Variants in TENM3 observed in about 807,000 individuals in gnomAD.
The protein encoded by TENM3 is teneurin transmembrane protein 3.
In TENM3, 63 loss-of-function variants were observed where a neutral mutation model predicts 255.1. That is an observed-to-expected ratio of 0.25 (90% CI 0.20 to 0.30). TENM3 has a LOEUF of 0.30. Ranked by LOEUF, TENM3 falls within the 10% of genes least tolerant of loss-of-function variation. TENM3 has a pLI of 1.00. For synonymous variants in TENM3, 1,306 were observed against 1,322.3 expected, an observed-to-expected ratio of 0.99 and a Z score of 0.27; for missense variants, 2,929 against 3,461.1, an observed-to-expected ratio of 0.85 and a Z score of 3.86.
chr4:181,567,247 T>G, the TENM3 span, among the ~76,000 whole-genome samples: 2 of 152,212 alleles, frequency 1.3e-5, no homozygotes, highest in Admixed American at 1.3e-4. Context: ...AACCTTTCAT[T>G]ATAACTCCTT....
At chr4:182,415,098 T>G (rs1770273758) in intron 3 of TENM3, among the ~76,000 whole-genome samples, 1 of 152,200 alleles carries the variant, frequency 6.6e-6, no homozygotes, top group Non-Finnish European at 1.5e-5. Context: ...TTAATGCCCA[T>G]TAAGTCTATT....
In TENM3 at chr4:182,801,518, G is replaced by A. The variant is rs1468101977; in HGVS notation, c.*1167G>A. The A allele has an allele frequency of 6.6e-6, 1 of 152,200 alleles. No individual in the cohort carries two copies. The highest frequency in any genetic ancestry group is 1.5e-5 in the Non-Finnish European group (1 of 68,048). 9.4% of individuals were successfully genotyped at this position (152,200 alleles called of 1,614,324 possible). ...GGGAGTTGTTGATATAATTAACCCC[G>A]AGGTTTTTACTGTTACTGTTCCAAA... On this transcript the variant is annotated 3_prime_UTR_variant, in exon 28 of 28. Coordinates refer to ENST00000511685, the MANE Select transcript of TENM3 (RefSeq NM_001080477.4).
At chr4:182,245,781 C>G (rs181657569) in intron 1 of TENM3, among the ~76,000 whole-genome samples, 45 of 152,306 alleles carry the variant, frequency 3.0e-4, no homozygotes, top group African/African-American at 1.0e-3. Context: ...AATGCTGCAA[C>G]TTGCTTTAGG....
intron 1 of TENM3, among the ~76,000 whole-genome samples, chr4:182,182,296 G>A (rs1358126564): frequency 2.0e-5 from 3 of 152,006 alleles, no homozygotes; most frequent in Admixed American, 6.6e-5. Context: ...ATGAACTACC[G>A]CCTATTAAAA....
chr4:181,913,881 T>A, the TENM3 span, among the ~76,000 whole-genome samples: 5 of 152,322 alleles, frequency 3.3e-5, no homozygotes, highest in South Asian at 1.0e-3. Flanking sequence ...TACTGTATCC[T>A]ACAGTCCATA....
At chr4:182,545,725 A>G (rs1166992924) in intron 3 of TENM3, among the ~76,000 whole-genome samples, 2 of 152,084 alleles carry the variant, frequency 1.3e-5, no homozygotes, top group Admixed American at 1.3e-4. Flanking sequence ...TTTAGATCTC[A>G]GCTTAATATA....
the TENM3 span, among the ~76,000 whole-genome samples, chr4:181,486,502 A>C: frequency 6.6e-6 from 1 of 152,214 alleles, no homozygotes; most frequent in Non-Finnish European, 1.5e-5. Flanking sequence ...AGATATATAA[A>C]AAAGGAGGTC....
At chr4:181,636,005 A>G in the TENM3 span, among the ~76,000 whole-genome samples, 1 of 152,250 alleles carries the variant, frequency 6.6e-6, no homozygotes, top group South Asian at 2.1e-4. Flanking sequence ...ATGTATATAT[A>G]TGTACACACA....
At chr4:181,891,708 C>T in the TENM3 span, among the ~76,000 whole-genome samples, 1,338 of 152,196 alleles carry the variant, frequency 8.8e-3, 6 homozygotes, top group Non-Finnish European at 0.015. Flanking sequence ...CATTTATTTC[C>T]AGTTGTTTAC....
the TENM3 span, among the ~76,000 whole-genome samples, chr4:181,988,979 C>G: frequency 3.9e-5 from 6 of 152,064 alleles, no homozygotes; most frequent in Non-Finnish European, 8.8e-5. Flanking sequence ...GTTAAGACAT[C>G]TTTGCCTTAC....
At chr4:181,906,905 G>A in the TENM3 span, among the ~76,000 whole-genome samples, 1 of 151,984 alleles carries the variant, frequency 6.6e-6, no homozygotes, top group Admixed American at 6.6e-5. Context: ...TTGAGATGGA[G>A]TCTCACTATG....
the TENM3 span, among the ~76,000 whole-genome samples, chr4:181,778,088 A>G: frequency 6.6e-6 from 1 of 152,176 alleles, no homozygotes; most frequent in Non-Finnish European, 1.5e-5. Context: ...AACAATGTAT[A>G]CCAAACTTTC....
At chr4:182,486,554 G>C (rs1229968129) in intron 3 of TENM3, among the ~76,000 whole-genome samples, 5 of 152,052 alleles carry the variant, frequency 3.3e-5, no homozygotes, top group Non-Finnish European at 7.4e-5. Flanking sequence ...ACAGTTACTT[G>C]CAAAAAGAAT....
At chr4:182,362,069 C>T (rs937878913) in intron 3 of TENM3, among the ~76,000 whole-genome samples, 1 of 152,096 alleles carries the variant, frequency 6.6e-6, no homozygotes, top group Admixed American at 6.6e-5. Context: ...TCTGATAGTT[C>T]CTCTGGAAGT....
intron 3 of TENM3, among the ~76,000 whole-genome samples, chr4:182,459,099 C>G (rs1453421527): frequency 6.6e-6 from 1 of 152,004 alleles, no homozygotes; most frequent in Non-Finnish European, 1.5e-5. Context: ...GATGAAATAC[C>G]AATTTAACTA....
chr4:182,705,523 A>G (rs1249727500), intron 12 of TENM3, among the ~76,000 whole-genome samples: 1 of 152,210 alleles, frequency 6.6e-6, no homozygotes, highest in African/African-American at 2.4e-5. Flanking sequence ...GTTCATAGCC[A>G]TACACATCAG....
the TENM3 span, among the ~76,000 whole-genome samples, chr4:181,749,981 A>G: frequency 6.6e-6 from 1 of 152,176 alleles, no homozygotes; most frequent in Non-Finnish European, 1.5e-5. Context: ...GTGATCCCTT[A>G]TTAAAAAGAA....
At chr4:182,415,754 G>A (rs1580462306) in intron 3 of TENM3, among the ~76,000 whole-genome samples, 1 of 152,208 alleles carries the variant, frequency 6.6e-6, no homozygotes, top group Non-Finnish European at 1.5e-5. Flanking sequence ...ATAAATTATT[G>A]CTTATTGAAC....
intron 1 of TENM3, among the ~76,000 whole-genome samples, chr4:182,306,575 C>T (rs1209291242): frequency 6.6e-6 from 1 of 151,968 alleles, no homozygotes; most frequent in Non-Finnish European, 1.5e-5. Context: ...GAACTTTTCC[C>T]ATTTATTGCT....
Sources: gnomAD v4.1 joint callset for allele counts (sites outside exome capture counted in the v4.1 genomes callset) on GRCh38, gnomAD v4.1.1 for gene constraint, MANE v1.5 for transcripts, NCBI Gene and HGNC (gene_info 2026-07-23, HGNC 2026-07-21) for gene names.